The following DIABLO variants were observed in gnomAD, a reference collection of about 807,000 sequenced individuals.
The protein encoded by DIABLO is diablo IAP-binding mitochondrial protein, also known as diablo homolog, mitochondrial.
Under a neutral mutation model 31.7 loss-of-function variants are expected in DIABLO, and 32 were observed. The observed-to-expected ratio is 1.01, with a 90% CI of 0.76 to 1.35. DIABLO has a LOEUF of 1.35. DIABLO is among the 40% of genes most tolerant of loss of function. The pLI, the probability that DIABLO is intolerant of heterozygous loss-of-function variation, is 0.00. For synonymous variants in DIABLO, 132 were observed against 103.2 expected (o/e 1.28, Z -1.69); for missense variants, 316 against 286.4 (o/e 1.10, Z -0.75).
upstream of DIABLO, chr12:122,226,257 G>A (rs1177009184): frequency 1.4e-6 from 1 of 711,852 alleles, no homozygotes; most frequent in African/African-American, 1.7e-5. Context: ...AGGGCCTGAG[G>A]GCGCGGAGGT....
At chr12:122,208,612 G>A (rs201498504) in intron 5 of DIABLO, 35 bp from the exon 6 acceptor site, 56 of 1,602,666 alleles carry the variant, frequency 3.5e-5, no homozygotes, top group Admixed American at 3.4e-5. Flanking sequence ...TTGAGCAGCC[G>A]TGCAGGGCGC....
At chr12:122,213,937 T>C (rs145901869) in intron 5 of DIABLO, among the ~76,000 whole-genome samples, 1 of 152,122 alleles carries the variant, frequency 6.6e-6, no homozygotes, top group East Asian at 1.9e-4. Context: ...ATAAAAAAAT[T>C]AGCCAGGCAT....
At chr12:122,226,100 C>A (rs1349978705), upstream of DIABLO, 2 of 1,532,046 alleles carry the variant, frequency 1.3e-6, no homozygotes, top group Non-Finnish European at 1.8e-6. Context: ...CACCTGAGAG[C>A]GCCTCGCCCC....
chr12:122,221,684 C>G (rs1320600697), intron 2 of DIABLO: 1 of 152,162 alleles, frequency 6.6e-6, no homozygotes, highest in Non-Finnish European at 1.5e-5. Flanking sequence ...AAGAGAGAGC[C>G]ATCGTGCCTA....
chr12:122,217,639 G>T (rs1954244803), intron 3 of DIABLO: 1 of 155,184 alleles, frequency 6.4e-6, no homozygotes, highest in Non-Finnish European at 1.4e-5. Context: ...CTCAGCCCCT[G>T]GAGTAACTGG....
chr12:122,215,196 T>C (rs1954180348), intron 5 of DIABLO, among the ~76,000 whole-genome samples: 1 of 150,974 alleles, frequency 6.6e-6, no homozygotes, highest in Admixed American at 6.6e-5. Flanking sequence ...GCAGGAAAAT[T>C]GCTTGAACTG....
At chr12:122,217,866 A>G (rs1169264683) in intron 3 of DIABLO, 1 of 228,838 alleles carries the variant, frequency 4.4e-6, no homozygotes, top group Non-Finnish European at 8.7e-6. Flanking sequence ...CTTTTAAATA[A>G]TCCTCACAGA....
Position 122,224,595 on chromosome 12 carries a change from A to G in DIABLO, c.100T>C (p.Cys34Arg). 1 of 1,614,110 alleles carries G rather than the reference A, an allele frequency of 6.2e-7. No homozygotes were observed. Among genetic ancestry groups the G allele is most frequent in the African/African-American group, 1.3e-5 (1 of 75,004 alleles). The change falls in exon 2 of 6, where the codon TGT (cysteine) becomes CGT (arginine). Residue 34 changes from cysteine to arginine, a missense_variant. Transcript: ENST00000464942. ...CATGGTCTTATCAATTCTGAGAAAC[A>G]CCGCTTCTTAAAGTTAGCCACAACA... ...VPVVANFKKR[C>R]FSELIRPWHK...
chr12:122,214,762 T>A (rs1954167706), intron 5 of DIABLO, among the ~76,000 whole-genome samples: 1 of 151,920 alleles, frequency 6.6e-6, no homozygotes, highest in Non-Finnish European at 1.5e-5. Context: ...TCACCAAGGC[T>A]TGAGGTGCAG....
intron 2 of DIABLO, chr12:122,221,023 T>C (rs1954323976): frequency 6.6e-6 from 1 of 152,272 alleles, no homozygotes; most frequent in Non-Finnish European, 1.5e-5. Context: ...AGAATAGTTA[T>C]GTAACTTTTC....
intron 5 of DIABLO, among the ~76,000 whole-genome samples, chr12:122,212,177 T>C (rs1378327413): frequency 6.6e-6 from 1 of 152,146 alleles, no homozygotes; most frequent in Non-Finnish European, 1.5e-5. Context: ...TTTTTAAACC[T>C]TTCCTGCCTC....
Position 122,224,564 on chromosome 12 carries a change from T to C in DIABLO, c.131A>G (p.Lys44Arg). ...CFSELIRPWH[K>R]TVTIGFGVTL... ...TACTCCAAAGCCAATCGTCACAGTT[T>C]TGTGCCATGGTCTTATCAATTCTGA... The change falls in exon 2 of 6, where the codon AAA becomes AGA. Residue 44 changes from lysine to arginine, a missense_variant. Physicochemically the swap from Lys to Arg is conservative, Grantham distance 26. Coordinates refer to ENST00000464942, the MANE Select transcript of DIABLO (RefSeq NM_001371333.1). 2.5e-6 allele frequency: 4 copies of C among 1,614,000 alleles called. No individual in the cohort carries two copies. The highest frequency in any genetic ancestry group is 3.4e-6 in the Non-Finnish European group (4 of 1,180,028).
At chr12:122,225,862 A>G (rs1954453488) in intron 1 of DIABLO, 103 bp downstream of exon 1, 3 of 1,537,612 alleles carry the variant, frequency 2.0e-6, no homozygotes, top group African/African-American at 1.4e-5. Context: ...GGCGGACGAG[A>G]GATGAGCGCG....
intron 5 of DIABLO, among the ~76,000 whole-genome samples, chr12:122,213,488 A>G (rs1245953370): frequency 7.2e-6 from 1 of 138,096 alleles, no homozygotes; most frequent in African/African-American, 3.1e-5. Context: ...CTGGTAACAG[A>G]GTAAGACCTT....
At chr12:122,209,973 T>C in intron 5 of DIABLO, 2 of 591,438 alleles carry the variant, frequency 3.4e-6, no homozygotes, top group Admixed American at 2.9e-5. Flanking sequence ...TGAAGATGTT[T>C]TGGGCATATG....
chr12:122,208,589 T>A lies in DIABLO; in HGVS notation c.524-12A>T. On this transcript the variant is annotated splice_polypyrimidine_tract_variant and intron_variant, in intron 5 of 5. Transcript: ENST00000464942. ...GGCCTGATCTGCGCCTGCCAAAAGA[T>A]GGGACAATCGGGTTGAGCAGCCGTG... 1 of 1,610,932 alleles carries A rather than the reference T, an allele frequency of 6.2e-7. No individual in the cohort carries two copies. The highest frequency in any genetic ancestry group is 1.7e-5 in the Admixed American group (1 of 59,964).
chr12:122,215,611 T>A (rs1006538140), intron 5 of DIABLO, among the ~76,000 whole-genome samples: 19 of 151,422 alleles, frequency 1.3e-4, no homozygotes, highest in African/African-American at 3.9e-4. Context: ...TTAAAAAAAA[T>A]TTTTTTTTCT....
chr12:122,226,853 G>T (rs910799595), upstream of DIABLO, among the ~76,000 whole-genome samples: 7 of 152,174 alleles, frequency 4.6e-5, no homozygotes, highest in Admixed American at 6.5e-5. Flanking sequence ...TCCCTGGCCC[G>T]CTCCTCCCAC....
intron 2 of DIABLO, among the ~76,000 whole-genome samples, chr12:122,219,681 C>G (rs1954292173): frequency 6.6e-6 from 1 of 151,520 alleles, no homozygotes; most frequent in South Asian, 2.1e-4. Flanking sequence ...ATGGCGAAAC[C>G]CCAACTCTAC....
Sources: allele counts gnomAD v4.1 joint callset (sites outside exome capture counted in the v4.1 genomes callset), GRCh38; gene constraint gnomAD v4.1.1; transcripts MANE v1.5; gene names NCBI Gene and HGNC (gene_info 2026-07-23, HGNC 2026-07-21).